The following CCDC30 variants were observed in gnomAD, a reference collection of about 807,000 sequenced individuals.
The protein encoded by CCDC30 is coiled-coil domain containing 30.
A neutral mutation model predicts 100.2 loss-of-function variants in CCDC30; 70 were observed. The ratio of observed to expected loss-of-function variants is 0.70; its 90% confidence interval spans 0.58 to 0.85. CCDC30 has a LOEUF of 0.85. Ranked by LOEUF, CCDC30 falls within the 40% of genes least tolerant of loss-of-function variation. CCDC30 has a pLI of 0.00. For missense variants in CCDC30, 652 were observed against 771.2 expected (o/e 0.85, Z 1.83); for synonymous variants, 233 against 269.5 (o/e 0.86, Z 1.33).
At chr1:42,576,931 G>C in intron 7 of CCDC30, 89 bp from the exon 12 acceptor site, 1 of 927,468 alleles carries the variant, frequency 1.1e-6, no homozygotes, top group Non-Finnish European at 1.6e-6. Flanking sequence ...TTGGCTTTTA[G>C]GGGACTATAC....
At chr1:42,534,785 A>G (rs542210224) in intron 6 of CCDC30, 1 of 152,344 alleles carries the variant, frequency 6.6e-6, no homozygotes, top group East Asian at 1.9e-4. Flanking sequence ...ACTTGTTGCT[A>G]GGAAGCGATT....
chr1:42,458,637 A>G (rs1314728571), upstream of CCDC30, among the ~76,000 whole-genome samples: 5 of 152,254 alleles, frequency 3.3e-5, no homozygotes, highest in East Asian at 3.8e-4. Flanking sequence ...TATGATCCCT[A>G]TCACACTAAC....
intron 12 of CCDC30, among the ~76,000 whole-genome samples, chr1:42,639,221 A>G (rs1179540152): frequency 6.7e-6 from 1 of 149,736 alleles, no homozygotes; most frequent in Admixed American, 6.8e-5. Flanking sequence ...TGCTGTCCTT[A>G]TAGGAAGAGG....
Position 42,596,271 on chromosome 1 carries a change from A to C in CCDC30, c.1164+6788A>C, listed in dbSNP as rs575327393. On this transcript the variant is annotated intron_variant, in intron 10 of 16. Coordinates refer to ENST00000668663, the Ensembl canonical transcript of CCDC30. This position sits in a 1 kb window ranked among gnomAD's most constrained non-coding sequence, Gnocchi z 4.3. Reference sequence around the variant, plus strand: ...GAGGGACCCAGTCATTAGGGGACTTAGACACATTTGTGAGTTTTACCTCCT... The same window carrying C: ...GAGGGACCCAGTCATTAGGGGACTTCGACACATTTGTGAGTTTTACCTCCT... 6.6e-6 allele frequency among the ~76,000 whole-genome samples: 1 copy of C among 152,322 alleles called. No individual in the cohort carries two copies. Among genetic ancestry groups the C allele is most frequent in the African/African-American group, 2.4e-5 (1 of 41,568 alleles).
At chr1:42,549,742 C>T (rs947559942) in intron 6 of CCDC30, among the ~76,000 whole-genome samples, 1 of 152,166 alleles carries the variant, frequency 6.6e-6, no homozygotes, top group African/African-American at 2.4e-5. Flanking sequence ...AATGGGTATA[C>T]AATTGCACTA....
intron 8 of CCDC30, 114 bp from the exon 13 acceptor site, chr1:42,581,246 G>A: frequency 1.3e-6 from 1 of 768,014 alleles, no homozygotes; most frequent in East Asian, 2.6e-5. Context: ...TTTTACTTCA[G>A]GTCAGATTAA....
chr1:42,626,340 G>A (rs1226345388), intron 11 of CCDC30, among the ~76,000 whole-genome samples: 1 of 152,046 alleles, frequency 6.6e-6, no homozygotes, highest in African/African-American at 2.4e-5. Context: ...GGAAGGTTTA[G>A]TCCATTTACA....
At chr1:42,517,613 G>A (rs1381017827) in intron 6 of CCDC30, among the ~76,000 whole-genome samples, 1 of 148,438 alleles carries the variant, frequency 6.7e-6, no homozygotes, top group African/African-American at 2.5e-5. Flanking sequence ...TAAGGTAAGT[G>A]TCTAACTTAG....
At chr1:42,627,086 A>G (rs1187909517) in intron 11 of CCDC30, among the ~76,000 whole-genome samples, 1 of 152,218 alleles carries the variant, frequency 6.6e-6, no homozygotes, top group Non-Finnish European at 1.5e-5. Flanking sequence ...GATTTGTTGA[A>G]TGGCTTTGAC....
intron 6 of CCDC30, among the ~76,000 whole-genome samples, chr1:42,528,875 C>T (rs1435689964): frequency 6.6e-6 from 1 of 152,120 alleles, no homozygotes; most frequent in African/African-American, 2.4e-5. Flanking sequence ...GATAAATGAG[C>T]ATCTGTTTTA....
At chr1:42,622,953 A>G (rs1275679086) in intron 11 of CCDC30, among the ~76,000 whole-genome samples, 2 of 152,118 alleles carry the variant, frequency 1.3e-5, no homozygotes, top group Admixed American at 1.3e-4. Context: ...CTCTCATTGT[A>G]GTTTTGATTT....
chr1:42,570,257 T>C (rs1177088599), intron 7 of CCDC30, among the ~76,000 whole-genome samples: 2 of 151,936 alleles, frequency 1.3e-5, no homozygotes, highest in Non-Finnish European at 2.9e-5. Context: ...GCCCAGGGAT[T>C]TGAAGCTGCA....
At chr1:42,639,830 G>T (rs1028450421) in intron 12 of CCDC30, among the ~76,000 whole-genome samples, 2 of 152,072 alleles carry the variant, frequency 1.3e-5, no homozygotes, top group African/African-American at 2.4e-5. Context: ...GCCAGGTGTG[G>T]TGGCTCATCC....
intron 7 of CCDC30, among the ~76,000 whole-genome samples, chr1:42,576,302 T>A (rs1304844047): frequency 6.6e-6 from 1 of 152,156 alleles, no homozygotes; most frequent in East Asian, 1.9e-4. Context: ...CAAGTTGTAT[T>A]GTGGGGATAG....
chr1:42,456,985 T>A, the CCDC30 span: 6 of 1,602,842 alleles, frequency 3.7e-6, no homozygotes, highest in Non-Finnish European at 5.1e-6. Flanking sequence ...AGGCTGCGGC[T>A]GCAGGCACCT....
At chr1:42,559,748 C>G (rs1376724713) in intron 6 of CCDC30, among the ~76,000 whole-genome samples, 1 of 152,170 alleles carries the variant, frequency 6.6e-6, no homozygotes, top group Non-Finnish European at 1.5e-5. Flanking sequence ...AGAAAATTAA[C>G]AAGGATATTC....
chr1:42,610,204 A>G (rs1048721167), intron 10 of CCDC30, among the ~76,000 whole-genome samples: 1 of 152,194 alleles, frequency 6.6e-6, no homozygotes, highest in African/African-American at 2.4e-5. Flanking sequence ...AGCAACTATA[A>G]GTGATAATCA....
chr1:42,482,518 TAC>T (rs537424359), intron 2 of CCDC30, 143 bp from the exon 3 acceptor site: 110 of 418,342 alleles, frequency 2.6e-4, no homozygotes, highest in Non-Finnish European at 3.7e-4. Context: ...CACACACACA[TAC>T]ACACACACAC....
intron 6 of CCDC30, among the ~76,000 whole-genome samples, chr1:42,559,786 T>C (rs974079936): frequency 6.6e-6 from 1 of 152,200 alleles, no homozygotes; most frequent in Non-Finnish European, 1.5e-5. Context: ...CTGGATCTAA[T>C]GGACCTAGTA....
Sources: gnomAD v4.1 joint callset for allele counts (sites outside exome capture counted in the v4.1 genomes callset) on GRCh38, gnomAD v4.1.1 for gene constraint, Gnocchi (gnomAD v3.1) non-coding constraint, MANE v1.5 for transcripts, NCBI Gene and HGNC (gene_info 2026-07-23, HGNC 2026-07-21) for gene names.